The following PCDHA9 variants were observed in gnomAD, a reference collection of about 807,000 sequenced individuals.
PCDHA9 encodes the protein protocadherin alpha-9.
A neutral mutation model predicts 62.0 loss-of-function variants in PCDHA9; 62 were observed. The ratio of observed to expected loss-of-function variants is 1.00; its 90% CI spans 0.81 to 1.23. PCDHA9 has a LOEUF of 1.23. Among genes scored for constraint, PCDHA9 ranks in the 50% most tolerant of loss-of-function variants. PCDHA9 has a pLI of 0.00. For missense variants in PCDHA9, 1,205 were observed against 1,249.8 expected (o/e 0.96, Z 0.54); for synonymous variants, 557 against 567.6 (o/e 0.98, Z 0.27).
intron 3 of PCDHA9, among the ~76,000 whole-genome samples, chr5:140,994,539 CA>C (rs35651294): frequency 0.48 from 72,467 of 151,372 alleles, 18,531 homozygotes; most frequent in African/African-American, 0.67. Flanking sequence ...CCCATCTCTA[CA>C]AAAAAAATAT....
rs2150441857 is a variant in PCDHA9 at position 140,849,593 on chromosome 5, G to T, written c.1098G>T (p.Gly366=). ...SVPVKEDAQL[G]TVIALISVID... ...CTGTAAAAGAGGACGCACAACTGGGGACAGTTATTGCCCTGATTAGTGTGA... is the reference window on the plus strand; with the variant it reads ...CTGTAAAAGAGGACGCACAACTGGGTACAGTTATTGCCCTGATTAGTGTGA... Residue 366 remains glycine (G), a synonymous_variant, in exon 1 of 4, where the codon GGG becomes GGT. Transcript: ENST00000532602. The T allele has an allele frequency of 3.0e-5, 48 of 1,598,606 alleles. 4 individuals carry two copies. Among genetic ancestry groups the T allele is most frequent in the African/African-American group, 1.1e-4 (8 of 74,332 alleles).
intron 1 of PCDHA9, chr5:140,860,593 T>C (rs782239381): frequency 6.6e-6 from 1 of 152,050 alleles, no homozygotes. Flanking sequence ...GGAAAGGAGT[T>C]GGAAGCTCAC....
At chr5:141,007,395 C>CAAAAAAAAAAAAAAAAA (rs35800918) in intron 3 of PCDHA9, among the ~76,000 whole-genome samples, 5 of 94,868 alleles carry the variant, frequency 5.3e-5, no homozygotes, top group Non-Finnish European at 8.3e-5. Context: ...TACTAAAATA[C>CAAAAAAAAAAAAAAAAA]AAAAAAAAAA....
intron 1 of PCDHA9, chr5:140,883,519 C>G: frequency 6.2e-7 from 1 of 1,614,190 alleles, no homozygotes; most frequent in South Asian, 1.1e-5. Context: ...ACCGCGAGAG[C>G]GTATCAGCCT....
intron 1 of PCDHA9, among the ~76,000 whole-genome samples, chr5:140,973,646 A>C (rs1413605589): frequency 1.3e-5 from 2 of 152,216 alleles, no homozygotes; most frequent in African/African-American, 4.8e-5. Flanking sequence ...TTCTGACTGA[A>C]GAAGAAATCT....
At chr5:140,951,541 G>C (rs1029557427) in intron 1 of PCDHA9, among the ~76,000 whole-genome samples, 5 of 152,092 alleles carry the variant, frequency 3.3e-5, no homozygotes, top group African/African-American at 1.2e-4. Flanking sequence ...AGGAGCAAGG[G>C]ACGGGGGGAA....
In PCDHA9 at chr5:140,974,947, C is replaced by T. The variant is rs145175873; in HGVS notation, c.2395-4002C>T. On this transcript the variant is annotated intron_variant, in intron 1 of 3. Coordinates refer to ENST00000532602, the MANE Select transcript of PCDHA9 (RefSeq NM_031857.2). ...GTTTAAAACACCACCTATTTGTTAT[C>T]TCACAGTCCTGTACCATGTGGCTGA... is the stretch of plus-strand genomic sequence containing the variant. 2.7e-3 allele frequency among the ~76,000 whole-genome samples: 417 copies of T among 152,322 alleles called. 3 individuals carry two copies. The highest frequency in any genetic ancestry group is 2.1e-3 in the Non-Finnish European group (142 of 68,022).
chr5:140,896,721 T>C (rs774174943), intron 1 of PCDHA9, among the ~76,000 whole-genome samples: 1 of 152,176 alleles, frequency 6.6e-6, no homozygotes, highest in Non-Finnish European at 1.5e-5. Flanking sequence ...TGCTTGTTAA[T>C]TTGTTTAAGT....
At chr5:140,937,067 T>C (rs2091302961) in intron 1 of PCDHA9, among the ~76,000 whole-genome samples, 1 of 148,650 alleles carries the variant, frequency 6.7e-6, no homozygotes, top group South Asian at 2.1e-4. Flanking sequence ...AGACGGAGTC[T>C]CGCTCTGTCG....
intron 1 of PCDHA9, among the ~76,000 whole-genome samples, chr5:140,900,040 G>A (rs1407235485): frequency 4.6e-5 from 7 of 152,046 alleles, no homozygotes; most frequent in Non-Finnish European, 8.8e-5. Flanking sequence ...GAATTCCTGG[G>A]CTCAAGTGAT....
intron 1 of PCDHA9, chr5:140,870,454 G>A (rs782508076): frequency 6.2e-7 from 1 of 1,614,236 alleles, no homozygotes; most frequent in African/African-American, 1.3e-5. Flanking sequence ...GAACGACAAT[G>A]CGCCTGCGTT....
In PCDHA9 at chr5:140,967,846, C is replaced by T. The variant is rs151021111; in HGVS notation, c.2395-11103C>T. ...TGGTGGACATCGTGGACGTGAATGA[C>T]AATGCCCCAGAGGTGGTGCTCACGG... On this transcript the variant is annotated intron_variant, in intron 1 of 3. Coordinates refer to ENST00000532602, the MANE Select transcript of PCDHA9 (RefSeq NM_031857.2). 708 of 1,614,166 alleles carry T rather than the reference C, an allele frequency of 4.4e-4. 2 individuals are homozygous for T. Among genetic ancestry groups the T allele is most frequent in the Middle Eastern group, 2.8e-3 (17 of 6,062 alleles).
chr5:140,987,008 G>T (rs958548514), intron 3 of PCDHA9, among the ~76,000 whole-genome samples: 1 of 152,142 alleles, frequency 6.6e-6, no homozygotes, highest in Non-Finnish European at 1.5e-5. Context: ...GAGGTCATGA[G>T]TTCGAGACCA....
At chr5:140,876,752 C>A (rs374137138) in intron 1 of PCDHA9, 2 of 1,614,194 alleles carry the variant, frequency 1.2e-6, no homozygotes, top group Non-Finnish European at 1.7e-6. Context: ...GTGGTGACTG[C>A]GCGGGATGGG....
At chr5:140,876,838 G>C in intron 1 of PCDHA9, 1 of 1,614,140 alleles carries the variant, frequency 6.2e-7, no homozygotes, top group Non-Finnish European at 8.5e-7. Flanking sequence ...GCCTGCGTTC[G>C]CGCAGCCCGA....
intron 1 of PCDHA9, chr5:140,876,598 G>T: frequency 6.2e-7 from 1 of 1,614,168 alleles, no homozygotes; most frequent in Non-Finnish European, 8.5e-7. Flanking sequence ...TAGCGTGTCG[G>T]ATCGTGACTC....
rs373922357 is a variant in PCDHA9, at chr5:140,927,079, G to A, written c.2395-51870G>A. ...CTTTCGCTTCCTTTCCAGCCACCGC[G>A]AGCTCTACTTCGGGGTGGATCTACC... On this transcript the variant is annotated intron_variant, in intron 1 of 3. Transcript: ENST00000532602. 2.5e-6 allele frequency: 4 copies of A among 1,610,988 alleles called. No homozygotes were observed. The highest frequency in any genetic ancestry group is 2.5e-6 in the Non-Finnish European group (3 of 1,177,702).
At chr5:140,943,908 C>G (rs1554216015) in intron 1 of PCDHA9, among the ~76,000 whole-genome samples, 1 of 152,198 alleles carries the variant, frequency 6.6e-6, no homozygotes, top group Admixed American at 6.5e-5. Context: ...GTCATGAGCA[C>G]TTTAGCATGA....
intron 1 of PCDHA9, among the ~76,000 whole-genome samples, chr5:140,954,291 T>C (rs1309677058): frequency 6.6e-6 from 1 of 152,230 alleles, no homozygotes; most frequent in African/African-American, 2.4e-5. Context: ...TTCCTTTGGG[T>C]ACATACCCAG....
Sources: allele counts gnomAD v4.1 joint callset (sites outside exome capture counted in the v4.1 genomes callset), GRCh38; gene constraint gnomAD v4.1.1; transcripts MANE v1.5; gene names NCBI Gene and HGNC (gene_info 2026-07-23, HGNC 2026-07-21).